TUFT1: variants seen among roughly 807,000 people sequenced by gnomAD.
The protein encoded by TUFT1 is tuftelin 1.
A neutral mutation model predicts 57.8 loss-of-function variants in TUFT1; 43 were observed. The observed-to-expected ratio is 0.74, with a 90% CI of 0.58 to 0.96. The LOEUF is 0.96. Among genes scored for constraint, TUFT1 ranks in the 40% least tolerant of loss-of-function variants. TUFT1 has a pLI of 0.00. For missense variants in TUFT1, 459 were observed against 489.0 expected (o/e 0.94, Z 0.58); for synonymous variants, 166 against 176.7 (o/e 0.94, Z 0.48).
intron 1 of TUFT1, among the ~76,000 whole-genome samples, chr1:151,548,520 C>G (rs1665414890): frequency 6.6e-6 from 1 of 152,104 alleles, no homozygotes; most frequent in Non-Finnish European, 1.5e-5. Context: ...CCAGGATGAT[C>G]TCAATCTCTT....
rs776540186 is a variant in TUFT1 at position 151,562,701 on chromosome 1, C to T, written c.237+15C>T. ...AGATCATTAAGGTAAGCTTAGTTCACCTCCAACTTTTCTCCCTGTCCTCTT... is the reference window on the plus strand; with the variant it reads ...AGATCATTAAGGTAAGCTTAGTTCATCTCCAACTTTTCTCCCTGTCCTCTT... On this transcript the variant is annotated intron_variant, in intron 3 of 12. Coordinates refer to ENST00000368849, the MANE Select transcript of TUFT1 (RefSeq NM_020127.3). The T allele has an allele frequency of 1.9e-5, 31 of 1,605,138 alleles. No individual in the cohort carries two copies. The highest frequency in any genetic ancestry group is 5.0e-5 in the Admixed American group (3 of 59,870).
intron 11 of TUFT1, 130 bp downstream of exon 11, chr1:151,579,862 T>C (rs1666588926): frequency 3.4e-6 from 3 of 885,118 alleles, no homozygotes; most frequent in East Asian, 5.5e-5. Context: ...CCTAGGGTGG[T>C]TGGTTGACTT....
chr1:151,551,836 C>T (rs2102523820), intron 1 of TUFT1, among the ~76,000 whole-genome samples: 1 of 152,224 alleles, frequency 6.6e-6, no homozygotes, highest in Non-Finnish European at 1.5e-5. Flanking sequence ...GAGTTTTTGA[C>T]TTTTTGTTTT....
chr1:151,565,475 T>C (rs1666038840), intron 5 of TUFT1, among the ~76,000 whole-genome samples: 2 of 152,264 alleles, frequency 1.3e-5, no homozygotes, highest in Non-Finnish European at 2.9e-5. Flanking sequence ...GTCTTGGGCA[T>C]GCACTTGTGT....
Position 151,579,693 on chromosome 1 carries a change from C to A in TUFT1, c.969C>A (p.Ile323=). 1 of 1,614,022 alleles carries A rather than the reference C, an allele frequency of 6.2e-7. No homozygotes were observed. The highest frequency in any genetic ancestry group is 1.1e-5 in the South Asian group (1 of 91,036). ...TGATCCAGTCAAAGGACGCCACCAT[C>A]CAGGAGCTCAAGGAGAAAATCGCCT... The part of the protein sequence containing the change: ...KAVIQSKDAT[I]QELKEKIAYL... The change falls in exon 11 of 13, where the codon ATC becomes ATA. Residue 323 remains isoleucine (I), a synonymous_variant. Transcript: ENST00000368849.
intron 10 of TUFT1, 52 bp from the exon 11 acceptor site, chr1:151,579,597 T>G (rs764501647): frequency 2.5e-6 from 4 of 1,590,316 alleles, no homozygotes; most frequent in Non-Finnish European, 3.4e-6. Flanking sequence ...GTCTGGTGAG[T>G]GTGTAATGAG....
At chr1:151,565,855 C>A (rs548773571) in intron 5 of TUFT1, 1 of 213,330 alleles carries the variant, frequency 4.7e-6, no homozygotes, top group Admixed American at 5.4e-5. Flanking sequence ...TTTTTTTCAT[C>A]CTCCCTACAA....
chr1:151,540,860 T>G (rs1665141548), intron 1 of TUFT1: 1 of 165,320 alleles, frequency 6.0e-6, no homozygotes. Flanking sequence ...TCCGAGGCCC[T>G]CCAAAGAATT....
At chr1:151,551,985 C>T (rs1401701368) in intron 1 of TUFT1, among the ~76,000 whole-genome samples, 2 of 152,158 alleles carry the variant, frequency 1.3e-5, no homozygotes, top group African/African-American at 4.8e-5. Flanking sequence ...ACTGCAGAAG[C>T]CCCCTCATGT....
chr1:151,561,907 C>G, intron 1 of TUFT1, 184 bp from the exon 2 acceptor site: 1 of 1,515,640 alleles, frequency 6.6e-7, no homozygotes, highest in Non-Finnish European at 8.9e-7. Flanking sequence ...AGAGTCACCA[C>G]CCCAAACACC....
At chr1:151,552,539 A>G (rs200293954) in intron 1 of TUFT1, among the ~76,000 whole-genome samples, 1 of 152,022 alleles carries the variant, frequency 6.6e-6, no homozygotes, top group African/African-American at 2.4e-5. Context: ...CCCCATCTCT[A>G]CTAAAAATAC....
At chr1:151,578,598 T>C in intron 9 of TUFT1, 123 bp from the exon 10 acceptor site, 1 of 745,694 alleles carries the variant, frequency 1.3e-6, no homozygotes, top group Non-Finnish European at 2.2e-6. Context: ...CAGAGCAGCC[T>C]ACCAGGGAAT....
At chr1:151,560,983 TGTGTGTGTGTGTGTGTGTGTGA>T (rs1487132930) in intron 1 of TUFT1, among the ~76,000 whole-genome samples, 1 of 151,258 alleles carries the variant, frequency 6.6e-6, no homozygotes, top group African/African-American at 2.4e-5. Flanking sequence ...TGTGTGTGTG[TGTGTGTGTGTGTGTGTGTGTGA>T]GTGTTTGAGA....
chr1:151,562,205 C>T, intron 2 of TUFT1, 40 bp downstream of exon 2: 1 of 1,559,228 alleles, frequency 6.4e-7, no homozygotes, highest in Non-Finnish European at 8.8e-7. Context: ...CCTCCCCACA[C>T]CAGTGCTTCC....
rs780855103 is a variant in TUFT1, at chr1:151,581,647, T to C, written c.1113T>C (p.Ile371=). Residue 371 remains isoleucine, a synonymous_variant, in exon 13 of 13, where the codon ATT becomes ATC. Transcript: ENST00000368849. ...ARAKTENPGS[I]RISKPPSPKP... ...GTGTTTCCAACCTTCTTTTCAGTAT[T>C]AGGATATCCAAGCCGCCTAGCCCGA... is the stretch of plus-strand genomic sequence containing the variant. 6.2e-7 allele frequency: 1 copy of C among 1,614,002 alleles called. No individual in the cohort carries two copies. Among genetic ancestry groups the C allele is most frequent in the Non-Finnish European group, 8.5e-7 (1 of 1,180,026 alleles).
At chr1:151,542,434 G>A (rs1280933714) in intron 1 of TUFT1, among the ~76,000 whole-genome samples, 1 of 146,372 alleles carries the variant, frequency 6.8e-6, no homozygotes, top group Non-Finnish European at 1.5e-5. Flanking sequence ...ATTTCACCAT[G>A]TTGCCCAGGC....
Position 151,583,544 on chromosome 1 carries a change from T to C in TUFT1, c.*1837T>C, listed in dbSNP as rs2102564248. On this transcript the variant is annotated 3_prime_UTR_variant, in exon 13 of 13. Transcript: ENST00000368849. Reference sequence around the variant, plus strand: ...ATTGTTGTCTGTGGCATATTCTTTGTATGGCGAATTTAATAAATTATATTA... The same window carrying C: ...ATTGTTGTCTGTGGCATATTCTTTGCATGGCGAATTTAATAAATTATATTA... 1 of 152,326 alleles carries C rather than the reference T, an allele frequency of 6.6e-6. No individual in the cohort carries two copies. The highest frequency in any genetic ancestry group is 1.9e-4 in the East Asian group (1 of 5,186). 9.4% of individuals were successfully genotyped at this position (152,326 alleles called of 1,614,324 possible).
intron 2 of TUFT1, 102 bp downstream of exon 2, chr1:151,562,267 G>A (rs751343584): frequency 3.2e-4 from 323 of 1,021,360 alleles, no homozygotes; most frequent in Non-Finnish European, 4.6e-4. Flanking sequence ...CTGGTGATGC[G>A]AGCGTGGGAG....
intron 5 of TUFT1, among the ~76,000 whole-genome samples, chr1:151,565,273 A>C (rs1364156493): frequency 6.6e-6 from 1 of 152,236 alleles, no homozygotes; most frequent in Non-Finnish European, 1.5e-5. Flanking sequence ...CAGTTTTTCC[A>C]AAACTCGAGG....
Sources: gnomAD v4.1 joint callset for allele counts (sites outside exome capture counted in the v4.1 genomes callset) on GRCh38, gnomAD v4.1.1 for gene constraint, MANE v1.5 for transcripts, NCBI Gene and HGNC (gene_info 2026-07-23, HGNC 2026-07-21) for gene names.